Variants in AGBL1 observed in about 807,000 individuals in gnomAD.
The protein encoded by AGBL1 is AGBL carboxypeptidase 1.
In AGBL1, 130 loss-of-function variants were observed where a neutral mutation model predicts 118.9. The observed-to-expected ratio is 1.09, with a 90% CI of 0.95 to 1.26. The LOEUF is 1.26. Ranked by LOEUF, AGBL1 falls within the 50% of genes most tolerant of loss-of-function variation. The pLI, the probability that AGBL1 is intolerant of heterozygous loss-of-function variation, is 0.00. For synonymous variants in AGBL1, 555 were observed against 478.9 expected (o/e 1.16, Z -2.08); for missense variants, 1,584 against 1,298.1 (o/e 1.22, Z -3.38).
At chr15:86,142,132 C>A in intron 2 of AGBL1, 65 bp downstream of exon 2, 1 of 1,488,890 alleles carries the variant, frequency 6.7e-7, no homozygotes, top group Non-Finnish European at 9.1e-7. Context: ...GTGATCTCTC[C>A]CAGGCACCTC....
chr15:86,742,510 G>A lies in AGBL1; in HGVS notation c.3158+68074G>A, dbSNP rs573731908. On this transcript the variant is annotated intron_variant, in intron 22 of 22. Transcript: ENST00000614907. The stretch of plus-strand genomic sequence containing the variant: ...TTCCCATGGGCTTGAAGTATCACGA[G>A]ATCAGATTATGGGATGCAGGGAAGG... 3.7e-4 allele frequency among the ~76,000 whole-genome samples: 56 copies of A among 152,154 alleles called. No homozygotes were observed. The South Asian group carries it at 0.012, about 32-fold the overall frequency.
At chr15:86,080,070 G>T (rs1237706393) in intron 1 of AGBL1, 47 bp downstream of exon 1, 1 of 1,220,556 alleles carries the variant, frequency 8.2e-7, no homozygotes, top group Non-Finnish European at 1.0e-6. Flanking sequence ...CTGGGTGTTT[G>T]CCTGGGCTGG....
Position 86,127,932 on chromosome 15 carries a change from C to T in AGBL1, c.52-14072C>T, listed in dbSNP as rs576720554. ...GAATAACCACTTAGAGAAGCCCTGC[C>T]CATCAATTAAGAATATCTCTTTAGG... is the stretch of plus-strand genomic sequence containing the variant. On this transcript the variant is annotated intron_variant, in intron 1 of 22. Coordinates refer to ENST00000614907, the MANE Select transcript of AGBL1 (RefSeq NM_001386094.1). Among the ~76,000 whole-genome samples, 237 of 152,216 alleles carry T rather than the reference C, an allele frequency of 1.6e-3. 4 individuals are homozygous for T. In the South Asian group the frequency reaches 0.047, roughly 30 times the overall value.
intron 23 of AGBL1, among the ~76,000 whole-genome samples, chr15:86,934,816 C>A (rs773548300): frequency 3.9e-5 from 6 of 152,074 alleles, no homozygotes; most frequent in African/African-American, 4.8e-5. Context: ...AGTAAGTTCC[C>A]TTTTTCCATG....
At chr15:86,959,052 T>C (rs1244890836) in intron 23 of AGBL1, among the ~76,000 whole-genome samples, 2 of 152,112 alleles carry the variant, frequency 1.3e-5, no homozygotes, top group Non-Finnish European at 2.9e-5. Context: ...AGAGAAAATA[T>C]TCCCTTTCTG....
In AGBL1 at chr15:86,262,904, A is replaced by T; in HGVS notation, c.1086+10A>T. ...CTCCTATAGCTTTGAGGTAGGACAT[A>T]TGCTGTGGTTCTGATCTTTGACGAT... On this transcript the variant is annotated intron_variant, in intron 10 of 22. Coordinates refer to ENST00000614907, the MANE Select transcript of AGBL1 (RefSeq NM_001386094.1). The T allele has an allele frequency of 1.3e-6, 2 of 1,578,874 alleles. No homozygotes were observed. Among genetic ancestry groups the T allele is most frequent in the Non-Finnish European group, 1.7e-6 (2 of 1,156,208 alleles).
intron 1 of AGBL1, among the ~76,000 whole-genome samples, chr15:86,133,624 C>T (rs2076847450): frequency 6.6e-6 from 1 of 152,218 alleles, no homozygotes; most frequent in South Asian, 2.1e-4. Context: ...GAAAAACAGA[C>T]TACATTCTAT....
intron 1 of AGBL1, 123 bp downstream of exon 1, chr15:86,080,146 G>T: frequency 2.9e-6 from 2 of 685,716 alleles, no homozygotes; most frequent in Non-Finnish European, 4.1e-6. Context: ...AACAGCAAGA[G>T]AACAGGAGTC....
intron 18 of AGBL1, among the ~76,000 whole-genome samples, chr15:86,415,691 T>C (rs2081683881): frequency 6.6e-6 from 1 of 152,174 alleles, no homozygotes; most frequent in African/African-American, 2.4e-5. Flanking sequence ...TAATTGTCAT[T>C]AACCTGAATG....
chr15:86,185,505 C>G (rs2077616800), intron 5 of AGBL1, among the ~76,000 whole-genome samples: 1 of 152,120 alleles, frequency 6.6e-6, no homozygotes, highest in Non-Finnish European at 1.5e-5. Context: ...TGGAACCAAC[C>G]CAAATGTCCA....
intron 22 of AGBL1, among the ~76,000 whole-genome samples, chr15:86,744,638 G>C (rs76453784): frequency 1.8e-4 from 28 of 152,160 alleles, no homozygotes; most frequent in Middle Eastern, 3.4e-3. Flanking sequence ...ACCCCCAGAG[G>C]GGGGGAGGAG....
chr15:86,734,178 G>A (rs1049634978), intron 22 of AGBL1, among the ~76,000 whole-genome samples: 8 of 152,086 alleles, frequency 5.3e-5, no homozygotes, highest in African/African-American at 1.2e-4. Context: ...AGGCACTTAC[G>A]TTCTTAAATG....
intron 21 of AGBL1, among the ~76,000 whole-genome samples, chr15:86,657,780 G>A (rs1412796285): frequency 6.6e-6 from 1 of 151,928 alleles, no homozygotes; most frequent in Non-Finnish European, 1.5e-5. Context: ...CTACTTCTGA[G>A]ATTGACAAAA....
chr15:86,676,279 TGTATG>T (rs1442300390), intron 22 of AGBL1, among the ~76,000 whole-genome samples: 1 of 152,134 alleles, frequency 6.6e-6, no homozygotes, highest in East Asian at 1.9e-4. Flanking sequence ...CCCAGACATT[TGTATG>T]GTAATATATT....
At chr15:86,177,288 A>G (rs997070221) in intron 5 of AGBL1, among the ~76,000 whole-genome samples, 2 of 152,224 alleles carry the variant, frequency 1.3e-5, no homozygotes, top group Non-Finnish European at 2.9e-5. Context: ...GAGCTTCAAA[A>G]TAATTGACGT....
chr15:86,674,195 CCTT>C (rs1287229369), intron 21 of AGBL1, 75 bp from the exon 22 acceptor site: 60 of 1,373,738 alleles, frequency 4.4e-5, no homozygotes, highest in Non-Finnish European at 5.4e-5. Context: ...GTGTAGAAGT[CCTT>C]CTTCCTAATT....
At chr15:86,521,000 A>T (rs576940328) in intron 18 of AGBL1, among the ~76,000 whole-genome samples, 20 of 152,344 alleles carry the variant, frequency 1.3e-4, no homozygotes, top group African/African-American at 4.8e-4. Flanking sequence ...CATTGCTATT[A>T]AAAACAGAAA....
intron 22 of AGBL1, among the ~76,000 whole-genome samples, chr15:86,810,803 G>A (rs1338693503): frequency 1.3e-5 from 2 of 152,158 alleles, no homozygotes; most frequent in Non-Finnish European, 2.9e-5. Context: ...AAGGATGACT[G>A]CATTTCTGGT....
chr15:86,813,391 C>T (rs1395269900), intron 22 of AGBL1, among the ~76,000 whole-genome samples: 1 of 152,176 alleles, frequency 6.6e-6, no homozygotes, highest in Non-Finnish European at 1.5e-5. Context: ...AATAACATTT[C>T]TGAGCCAGAA....
Sources: gnomAD v4.1 joint callset for allele counts (sites outside exome capture counted in the v4.1 genomes callset) on GRCh38, gnomAD v4.1.1 for gene constraint, MANE v1.5 for transcripts, NCBI Gene and HGNC (gene_info 2026-07-23, HGNC 2026-07-21) for gene names.